PIGN: variants seen among roughly 807,000 people sequenced by gnomAD.
PIGN encodes the protein phosphatidylinositol glycan anchor biosynthesis class N.
Under a neutral mutation model 125.4 loss-of-function variants are expected in PIGN, and 117 were observed. That is an observed-to-expected ratio of 0.93 (90% CI 0.80 to 1.09). The LOEUF (loss-of-function observed/expected upper bound fraction) is 1.09. Ranked by LOEUF, PIGN falls within the 50% of genes least tolerant of loss-of-function variation. PIGN has a pLI of 0.00. For synonymous variants in PIGN, 392 were observed against 377.8 expected (o/e 1.04, Z -0.44); for missense variants, 1,075 against 1,094.9 (o/e 0.98, Z 0.26).
chr18:62,159,927 C>T (rs968120136), intron 4 of PIGN, among the ~76,000 whole-genome samples: 5 of 152,144 alleles, frequency 3.3e-5, no homozygotes, highest in African/African-American at 1.2e-4. Flanking sequence ...TCCTGGCTAA[C>T]ACGGTGAAAT....
At chr18:62,036,220 T>C (rs201388858), downstream of PIGN, among the ~76,000 whole-genome samples, 2 of 152,190 alleles carry the variant, frequency 1.3e-5, no homozygotes, top group East Asian at 1.9e-4. Flanking sequence ...TTTTTTCTTT[T>C]TTTTTCTTTT....
At chr18:62,098,157 T>C (rs578142362) in intron 22 of PIGN, among the ~76,000 whole-genome samples, 1 of 152,240 alleles carries the variant, frequency 6.6e-6, no homozygotes, top group Non-Finnish European at 1.5e-5. Context: ...TAGTGCTTAG[T>C]AACTGTTAAC....
chr18:62,053,633 A>G (rs1568120632), intron 30 of PIGN, among the ~76,000 whole-genome samples: 1 of 152,208 alleles, frequency 6.6e-6, no homozygotes, highest in Non-Finnish European at 1.5e-5. Context: ...TTAATATCAG[A>G]TAAAATAGAC....
At chr18:62,141,812 CCTT>C (rs1358267940) in intron 11 of PIGN, among the ~76,000 whole-genome samples, 2 of 152,302 alleles carry the variant, frequency 1.3e-5, no homozygotes, top group Middle Eastern at 3.4e-3. Context: ...GCTGCGCCTC[CCTT>C]CTTCTGCCTC....
intron 30 of PIGN, chr18:62,058,721 T>A (rs1213473094): frequency 6.6e-6 from 1 of 152,232 alleles, no homozygotes; most frequent in African/African-American, 2.4e-5. Context: ...CTTTCAGTAT[T>A]TTCTTTAGTA....
intron 1 of PIGN, among the ~76,000 whole-genome samples, chr18:62,170,130 TTGAG>T (rs1338203447): frequency 1.3e-5 from 2 of 152,216 alleles, no homozygotes; most frequent in African/African-American, 2.4e-5. Flanking sequence ...ACTAATATTA[TTGAG>T]TATCTTTCCA....
chr18:62,133,858 C>T (rs2035828814), intron 14 of PIGN, among the ~76,000 whole-genome samples: 1 of 152,112 alleles, frequency 6.6e-6, no homozygotes, highest in African/African-American at 2.4e-5. Flanking sequence ...TACACAAGGG[C>T]ATAATAACTC....
intron 23 of PIGN, among the ~76,000 whole-genome samples, chr18:62,022,732 C>T (rs2030068241): frequency 6.6e-6 from 1 of 152,098 alleles, no homozygotes; most frequent in African/African-American, 2.4e-5. Flanking sequence ...TCATTAGTAA[C>T]AGCTTTATTG....
At chr18:62,151,404 G>A (rs79307260) in intron 7 of PIGN, among the ~76,000 whole-genome samples, 13,250 of 152,232 alleles carry the variant, frequency 0.087, 705 homozygotes, top group South Asian at 0.19. Context: ...CAACTTCTCA[G>A]GTATGTGCAT....
chr18:62,101,523 T>C (rs912790210), intron 21 of PIGN, among the ~76,000 whole-genome samples: 1 of 152,222 alleles, frequency 6.6e-6, no homozygotes, highest in Non-Finnish European at 1.5e-5. Context: ...AAAGCTACTA[T>C]GGCTTAAGTG....
At chr18:62,033,729 A>G (rs1288235463) in intron 23 of PIGN, among the ~76,000 whole-genome samples, 1 of 152,174 alleles carries the variant, frequency 6.6e-6, no homozygotes, top group Non-Finnish European at 1.5e-5. Flanking sequence ...TATTGCTCGT[A>G]AGGCAAATAT....
At chr18:62,129,902 T>C (rs2035670096) in intron 14 of PIGN, among the ~76,000 whole-genome samples, 1 of 152,178 alleles carries the variant, frequency 6.6e-6, no homozygotes, top group Non-Finnish European at 1.5e-5. Flanking sequence ...ATAGTGTCTT[T>C]GTAGACATCA....
intron 23 of PIGN, among the ~76,000 whole-genome samples, chr18:62,025,661 C>A (rs536025393): frequency 3.9e-4 from 59 of 152,198 alleles, no homozygotes; most frequent in Non-Finnish European, 7.8e-4. Context: ...ATCTGGACAC[C>A]TCACACTGAC....
downstream of PIGN, among the ~76,000 whole-genome samples, chr18:62,037,670 C>T (rs562344812): frequency 4.6e-5 from 7 of 152,296 alleles, no homozygotes; most frequent in South Asian, 8.3e-4. Flanking sequence ...GGTGGAGGCA[C>T]GGTGAGCTGG....
chr18:62,142,291 T>C (rs1051220891), intron 11 of PIGN, among the ~76,000 whole-genome samples: 2 of 152,192 alleles, frequency 1.3e-5, no homozygotes, highest in African/African-American at 2.4e-5. Flanking sequence ...TCTCATTTGA[T>C]GGAGATTTGA....
At chr18:62,106,595 C>T (rs1252990375) in intron 19 of PIGN, among the ~76,000 whole-genome samples, 194 bp downstream of exon 19, 2 of 152,264 alleles carry the variant, frequency 1.3e-5, no homozygotes, top group East Asian at 3.9e-4. Flanking sequence ...ATAACTGGCC[C>T]ATTTTGATGT....
intron 29 of PIGN, among the ~76,000 whole-genome samples, chr18:62,073,740 A>C (rs1232964738): frequency 6.6e-6 from 1 of 152,174 alleles, no homozygotes; most frequent in East Asian, 1.9e-4. Context: ...AGCTACCCTT[A>C]TTAGTATTCC....
intron 13 of PIGN, 107 bp downstream of exon 13, chr18:62,138,876 C>T (rs1204510749): frequency 8.2e-6 from 5 of 611,118 alleles, no homozygotes; most frequent in Non-Finnish European, 1.4e-5. Context: ...AGGTAAATTA[C>T]AGGGAAATAG....
At chr18:62,093,435 T>C (rs113707935) in intron 23 of PIGN, among the ~76,000 whole-genome samples, 1 of 152,046 alleles carries the variant, frequency 6.6e-6, no homozygotes, top group Non-Finnish European at 1.5e-5. Context: ...GAGAACATAA[T>C]GAAAACTTAC....
Sources: gnomAD v4.1 joint callset for allele counts (sites outside exome capture counted in the v4.1 genomes callset) on GRCh38, gnomAD v4.1.1 for gene constraint, MANE v1.5 for transcripts, NCBI Gene and HGNC (gene_info 2026-07-23, HGNC 2026-07-21) for gene names.